COBLL1: variants seen among roughly 807,000 people sequenced by gnomAD.
COBLL1 encodes cordon-bleu protein-like 1.
COBLL1 carries 50 observed loss-of-function variants against 94.8 expected under a neutral mutation model. The ratio of observed to expected loss-of-function variants is 0.53; its 90% CI spans 0.42 to 0.67. The LOEUF (loss-of-function observed/expected upper bound fraction) is 0.67. Among genes scored for constraint, COBLL1 ranks in the 30% least tolerant of loss-of-function variants. COBLL1 has a pLI of 0.00. For missense variants in COBLL1, 1,362 were observed against 1,348.7 expected, an observed-to-expected ratio of 1.01 and a Z score of -0.15; for synonymous variants, 448 against 473.8, an observed-to-expected ratio of 0.95 and a Z score of 0.71.
intron 2 of COBLL1, chr2:164,800,451 T>C: frequency 1.5e-6 from 1 of 648,066 alleles, no homozygotes; most frequent in Non-Finnish European, 2.8e-6. Flanking sequence ...CAAATAAAAT[T>C]CTCATGCACT....
In COBLL1 at chr2:164,722,182, G is replaced by A. The variant is rs1180703872; in HGVS notation, c.889C>T (p.Leu297=). 2.5e-6 allele frequency: 4 copies of A among 1,614,152 alleles called. No individual in the cohort carries two copies. The South Asian group carries it at 4.4e-5, about 18-fold the overall frequency. The change falls in exon 7 of 14, where the codon CTG becomes TTG. Residue 297 remains leucine, a synonymous_variant. Coordinates refer to ENST00000652658, the MANE Select transcript of COBLL1 (RefSeq NM_001365672.2). The part of the protein sequence containing the change: ...SDAPKKRRAP[L]PPMPASQSVP... ...CTCTGAGATGCTGGCATCGGGGGCA[G>A]TGGAGCCCGCCTCTTCTTGGGTGCA...
rs1683117494 is a variant in COBLL1 at position 164,683,081 on chromosome 2, T to A, written c.*2865A>T. The stretch of plus-strand genomic sequence containing the variant: ...CCTGCACACATGTACTTCATATAAA[T>A]ACATCTATATAGGGCTTCATATCAA... On this transcript the variant is annotated 3_prime_UTR_variant, in exon 14 of 14. Transcript: ENST00000652658. 1.3e-5 allele frequency: 2 copies of A among 151,680 alleles called. No individual in the cohort carries two copies. The highest frequency in any genetic ancestry group is 4.8e-5 in the African/African-American group (2 of 41,256). The allele number at this position is 151,680 out of a possible 1,614,324, so 9.4% of individuals were successfully genotyped here.
rs758132410 is a variant in COBLL1 at position 164,694,305 on chromosome 2, T to C, written c.3087A>G (p.Lys1029=). The stretch of plus-strand genomic sequence containing the variant: ...CACCAAGCTGTGGGATGTCCACAAA[T>C]TTATTTACAGAATGAGTCTTCCCTT... ...TEEGKTHSVN[K]FVDIPQLGVS... Residue 1029 remains lysine (K), a synonymous_variant, in exon 12 of 14, where the codon AAA becomes AAG. Coordinates refer to ENST00000652658, the MANE Select transcript of COBLL1 (RefSeq NM_001365672.2). The C allele has an allele frequency of 1.9e-6, 3 of 1,613,694 alleles. No homozygotes were observed. In the East Asian group the frequency reaches 6.7e-5, roughly 36 times the overall value.
intron 11 of COBLL1, 42 bp downstream of exon 11, chr2:164,699,363 A>G (rs771698330): frequency 7.8e-7 from 1 of 1,282,068 alleles, no homozygotes; most frequent in South Asian, 1.2e-5. Context: ...TTGGCACATA[A>G]TAAAAGTAAG....
At chr2:164,816,292 C>T (rs572472840) in intron 2 of COBLL1, among the ~76,000 whole-genome samples, 1 of 152,130 alleles carries the variant, frequency 6.6e-6, no homozygotes, top group Non-Finnish European at 1.5e-5. Flanking sequence ...ACTCCCCAGT[C>T]TTCAGAAGCT....
chr2:164,832,150 T>C (rs1683108265), intron 2 of COBLL1, among the ~76,000 whole-genome samples: 1 of 152,202 alleles, frequency 6.6e-6, no homozygotes. Flanking sequence ...CATGTGCATG[T>C]GCATGAAGGC....
chr2:164,714,672 A>G (rs1428435824), intron 7 of COBLL1, among the ~76,000 whole-genome samples: 1 of 152,136 alleles, frequency 6.6e-6, no homozygotes, highest in Admixed American at 6.5e-5. Flanking sequence ...CTGTGGCTCC[A>G]GAAAAGAGGC....
rs939121964 is a variant in COBLL1, at chr2:164,796,681, T to C, written c.41+44475A>G. Among the ~76,000 whole-genome samples, 12 of 118,762 alleles carry C rather than the reference T, an allele frequency of 1.0e-4. 1 individual carries two copies. The highest frequency in any genetic ancestry group is 4.1e-4 in the African/African-American group (12 of 28,920). 77.9% of individuals were successfully genotyped at this position (118,762 alleles called of 152,430 possible). A position where few individuals can be genotyped will look rare whatever the true frequency, so the allele number is the denominator to read the frequency against. ...TCCTATAAAATTTAATGGTGGGTGA[T>C]GACAGATGAAGTAGCTGGCCTTCCA... On this transcript the variant is annotated intron_variant, in intron 2 of 13. Transcript: ENST00000652658.
intron 3 of COBLL1, among the ~76,000 whole-genome samples, chr2:164,734,970 C>T (rs1686221303): frequency 6.6e-6 from 1 of 152,118 alleles, no homozygotes; most frequent in African/African-American, 2.4e-5. Flanking sequence ...GAACGTAAAA[C>T]TCTTGGGAGT....
At position 164,840,408 on chromosome 2, in the gene COBLL1, T is replaced by C. The variant is rs187949103; in HGVS notation, c.41+748A>G. On this transcript the variant is annotated intron_variant, in intron 2 of 13. Coordinates refer to ENST00000652658, the MANE Select transcript of COBLL1 (RefSeq NM_001365672.2). ...GTTATTTTCAGGTTTTCTTCATCTC[T>C]TGCAGAACTACCTGTTCTCATTACT... Among the ~76,000 whole-genome samples the C allele has an allele frequency of 1.2e-3, 177 of 152,248 alleles. 1 individual carries two copies. The South Asian group carries it at 0.012, about 11-fold the overall frequency.
chr2:164,787,688 T>C (rs1000832103), intron 2 of COBLL1, among the ~76,000 whole-genome samples: 1 of 152,136 alleles, frequency 6.6e-6, no homozygotes, highest in African/African-American at 2.4e-5. Flanking sequence ...CCATCCATCA[T>C]TGAGTACTTG....
At chr2:164,830,935 T>G (rs1392608295) in intron 2 of COBLL1, among the ~76,000 whole-genome samples, 1 of 152,200 alleles carries the variant, frequency 6.6e-6, no homozygotes, top group Non-Finnish European at 1.5e-5. Context: ...AGGAACAAAG[T>G]TCATAGGTAA....
intron 2 of COBLL1, among the ~76,000 whole-genome samples, chr2:164,809,551 T>G (rs1205306329): frequency 6.6e-6 from 1 of 151,984 alleles, no homozygotes; most frequent in Non-Finnish European, 1.5e-5. Context: ...AATAGCCAAC[T>G]CTCAGGGTAT....
chr2:164,763,512 T>C (rs913291527), intron 2 of COBLL1, among the ~76,000 whole-genome samples: 1 of 152,194 alleles, frequency 6.6e-6, no homozygotes, highest in African/African-American at 2.4e-5. Context: ...CACCAGCTTA[T>C]GGCTTATGCG....
chr2:164,737,084 G>A (rs1262485246), intron 3 of COBLL1, among the ~76,000 whole-genome samples: 2 of 152,150 alleles, frequency 1.3e-5, no homozygotes, highest in African/African-American at 4.8e-5. Flanking sequence ...AATCACTTGA[G>A]CCCAGAGTTT....
chr2:164,815,162 G>T (rs1361823576), intron 2 of COBLL1, among the ~76,000 whole-genome samples: 1 of 152,098 alleles, frequency 6.6e-6, no homozygotes, highest in Admixed American at 6.5e-5. Context: ...CATTCTGGGA[G>T]GCCGAGGTGG....
At chr2:164,730,142 C>T (rs13432439) in intron 3 of COBLL1, 27 bp from the exon 4 acceptor site, 225,050 of 1,561,546 alleles carry the variant, frequency 0.14, 18,050 homozygotes, top group African/African-American at 0.32. Flanking sequence ...TTTCATTACC[C>T]GTTATTGTTT....
downstream of COBLL1, among the ~76,000 whole-genome samples, chr2:164,680,024 C>A (rs995185582): frequency 1.3e-5 from 2 of 151,792 alleles, no homozygotes; most frequent in African/African-American, 2.4e-5. Context: ...AACCATAACA[C>A]CCTTAATTAA....
chr2:164,814,260 A>G (rs1684603031), intron 2 of COBLL1, among the ~76,000 whole-genome samples: 1 of 152,154 alleles, frequency 6.6e-6, no homozygotes, highest in South Asian at 2.1e-4. Context: ...TCACACACAG[A>G]CATAAGGATA....
Sources: gnomAD v4.1 joint callset for allele counts (sites outside exome capture counted in the v4.1 genomes callset) on GRCh38, gnomAD v4.1.1 for gene constraint, MANE v1.5 for transcripts, NCBI Gene and HGNC (gene_info 2026-07-23, HGNC 2026-07-21) for gene names.